Variants in NCBP1 observed in about 807,000 individuals in gnomAD.
The protein encoded by NCBP1 is nuclear cap-binding protein subunit 1.
Under a neutral mutation model 111.7 loss-of-function variants are expected in NCBP1, and 16 were observed. That is an observed-to-expected ratio of 0.14 (90% CI 0.10 to 0.22). The LOEUF is 0.22. Among genes scored for constraint, NCBP1 ranks in the 10% least tolerant of loss-of-function variants. The pLI is 1.00. For missense variants in NCBP1, 607 were observed against 957.5 expected, an observed-to-expected ratio of 0.63 and a Z score of 4.83; for synonymous variants, 304 against 314.3, an observed-to-expected ratio of 0.97 and a Z score of 0.35.
chr9:97,634,565 T>A (rs1354699900), intron 1 of NCBP1: 1 of 152,144 alleles, frequency 6.6e-6, no homozygotes, highest in South Asian at 2.1e-4. Context: ...AGAACAGGGG[T>A]TCCCATCTCC....
At chr9:97,669,075 C>G in intron 21 of NCBP1, 101 bp downstream of exon 21, 4 of 1,307,472 alleles carry the variant, frequency 3.1e-6, no homozygotes, top group Non-Finnish European at 3.1e-6. Flanking sequence ...AATACACATT[C>G]ATTTATAGAA....
chr9:97,670,442 T>C (rs1282572713), intron 22 of NCBP1, among the ~76,000 whole-genome samples: 3 of 152,182 alleles, frequency 2.0e-5, no homozygotes, highest in Admixed American at 6.5e-5. Flanking sequence ...TAAAGGTATA[T>C]AGGAGAGTGG....
At chr9:97,645,067 T>G in intron 4 of NCBP1, 50 bp from the exon 5 acceptor site, 1 of 1,354,838 alleles carries the variant, frequency 7.4e-7, no homozygotes, top group Non-Finnish European at 1.1e-6. Context: ...ATTTTGTAGT[T>G]ATTATAAAGA....
chr9:97,651,298 C>T lies in NCBP1; in HGVS notation c.996-12C>T. 3.8e-6 allele frequency: 6 copies of T among 1,594,948 alleles called. No individual in the cohort carries two copies. The highest frequency in any genetic ancestry group is 4.3e-6 in the Non-Finnish European group (5 of 1,171,288). ...TCGTATACTTATTAAACTTAAATTACACTTTTTATAGTGCTGCACAGTTAG... is the reference window on the plus strand; with the variant it reads ...TCGTATACTTATTAAACTTAAATTATACTTTTTATAGTGCTGCACAGTTAG... On this transcript the variant is annotated splice_polypyrimidine_tract_variant and intron_variant, in intron 9 of 22. Transcript: ENST00000375147.
At chr9:97,636,494 A>G (rs978730575) in intron 1 of NCBP1, among the ~76,000 whole-genome samples, 4 of 30,506 alleles carry the variant, frequency 1.3e-4, no homozygotes, top group Non-Finnish European at 5.2e-4. Flanking sequence ...TATTATATAA[A>G]TTTATATTTA....
Position 97,668,396 on chromosome 9 carries a change from C to T in NCBP1, c.2017-450C>T, listed in dbSNP as rs184536816. Among the ~76,000 whole-genome samples the T allele has an allele frequency of 1.4e-3, 219 of 152,350 alleles. 3 individuals carry two copies. In the Middle Eastern group the frequency reaches 0.027, roughly 19 times the overall value. ...ATCATTGCCAGCAGAAAGTCTTAAA[C>T]AGCCCACTTTGAATTATTATATGTC... On this transcript the variant is annotated intron_variant, in intron 20 of 22. Coordinates refer to ENST00000375147, the MANE Select transcript of NCBP1 (RefSeq NM_002486.5).
At position 97,662,053 on chromosome 9, in the gene NCBP1, A is replaced by C. The variant is rs778501080; in HGVS notation, c.1612A>C (p.Ser538Arg). ...NQDDDDDEGFSFNPLKIEVFV... is the reference protein window; with the variant it reads ...NQDDDDDEGFRFNPLKIEVFV... ...AAAATATTTTTCAGATGAAGGATTC[A>C]GTTTTAACCCATTGAAAATAGAAGT... is the stretch of plus-strand genomic sequence containing the variant. Residue 538 changes from serine to arginine, a missense_variant, in exon 17 of 23, where the codon AGT (serine) becomes CGT (arginine). Ser to Arg is a moderately radical substitution (Grantham distance 110). Coordinates refer to ENST00000375147, the MANE Select transcript of NCBP1 (RefSeq NM_002486.5). 1 of 1,611,092 alleles carries C rather than the reference A, an allele frequency of 6.2e-7. No homozygotes were observed. The highest frequency in any genetic ancestry group is 8.5e-7 in the Non-Finnish European group (1 of 1,178,118).
intron 1 of NCBP1, among the ~76,000 whole-genome samples, chr9:97,636,316 A>G (rs913262281): frequency 7.2e-5 from 11 of 151,822 alleles, no homozygotes. Flanking sequence ...CTATTTTAAA[A>G]TAGGGTAGGA....
chr9:97,639,797 C>T (rs978081518), intron 1 of NCBP1, among the ~76,000 whole-genome samples: 17 of 152,168 alleles, frequency 1.1e-4, no homozygotes, highest in Middle Eastern at 3.4e-3. Context: ...AGGCTTTAAA[C>T]AAAGTGGTAA....
Position 97,654,648 on chromosome 9 carries a change from G to A in NCBP1, c.1171-232G>A, listed in dbSNP as rs560087585. On this transcript the variant is annotated intron_variant, in intron 11 of 22. Transcript: ENST00000375147. ...GTATGGAGGGGCATGGGGAAATTTG[G>A]GAGGTGATGAAAATATTATCTTGAT... is the stretch of plus-strand genomic sequence containing the variant. 5.3e-5 allele frequency among the ~76,000 whole-genome samples: 8 copies of A among 152,168 alleles called. No homozygotes were observed. In the East Asian group the frequency reaches 1.4e-3, roughly 26 times the overall value.
Position 97,654,746 on chromosome 9 carries a change from AGATT to A in NCBP1, c.1171-128_1171-125del, listed in dbSNP as rs879161522. On this transcript the variant is annotated intron_variant, in intron 11 of 22. Coordinates refer to ENST00000375147, the MANE Select transcript of NCBP1 (RefSeq NM_002486.5). ...AAAGCTGTAAGAAAAAACAAAAACA[AGATT>A]GATTGTGTGAAAAGATGTTCAGCAT... 200 of 806,556 alleles carry A rather than the reference AGATT, an allele frequency of 2.5e-4. 3 individuals are homozygous for A. Among genetic ancestry groups the A allele is most frequent in the South Asian group, 1.5e-3 (90 of 60,526 alleles). 50.0% of individuals were successfully genotyped at this position (806,556 alleles called of 1,614,324 possible).
In NCBP1 at chr9:97,645,114, C is replaced by T. The variant is rs898492609; in HGVS notation, c.382-3C>T. ...TAATAGCAGAAATTGTTTGCCCCAACAGGTCCGTTTTTTATCTGATCTTGT... is the reference window on the plus strand; with the variant it reads ...TAATAGCAGAAATTGTTTGCCCCAATAGGTCCGTTTTTTATCTGATCTTGT... On this transcript the variant is annotated splice_polypyrimidine_tract_variant and splice_region_variant and intron_variant, in intron 4 of 22. Transcript: ENST00000375147. The T allele has an allele frequency of 6.2e-7, 1 of 1,610,064 alleles. No homozygotes were observed. The highest frequency in any genetic ancestry group is 2.2e-5 in the East Asian group (1 of 44,788).
chr9:97,636,645 T>C (rs1340654453), intron 1 of NCBP1, among the ~76,000 whole-genome samples: 2 of 103,372 alleles, frequency 1.9e-5, no homozygotes, highest in African/African-American at 6.6e-5. Context: ...TACATATATA[T>C]ATATATATAT....
At chr9:97,648,885 A>T (rs960777364) in intron 8 of NCBP1, among the ~76,000 whole-genome samples, 5 of 152,060 alleles carry the variant, frequency 3.3e-5, no homozygotes, top group Non-Finnish European at 5.9e-5. Flanking sequence ...AATTTTTTGT[A>T]GAGTTGAGAT....
chr9:97,643,735 C>T (rs763571395), intron 4 of NCBP1, among the ~76,000 whole-genome samples: 1 of 152,102 alleles, frequency 6.6e-6, no homozygotes, highest in Non-Finnish European at 1.5e-5. Flanking sequence ...CCTCTCGTAC[C>T]ATAGGTGTTC....
intron 17 of NCBP1, among the ~76,000 whole-genome samples, chr9:97,662,739 C>T (rs971798137): frequency 7.2e-5 from 11 of 152,188 alleles, no homozygotes; most frequent in African/African-American, 1.2e-4. Flanking sequence ...CCTGGGCTAA[C>T]GGTAGTATAT....
chr9:97,657,926 ATTTTTTTTT>A (rs57402675), intron 14 of NCBP1, among the ~76,000 whole-genome samples: 1,302 of 91,352 alleles, frequency 0.014, 41 homozygotes, highest in African/African-American at 0.049. Context: ...ATATATATAT[ATTTTTTTTT>A]TTTTTTTTAA....
At chr9:97,636,504 ATATATTATAAATTTATATTTATATAT>A (rs1391793460) in intron 1 of NCBP1, among the ~76,000 whole-genome samples, 4 of 30,576 alleles carry the variant, frequency 1.3e-4, no homozygotes, top group Non-Finnish European at 3.9e-4. Flanking sequence ...ATTTATATTT[ATATATTATAAATTTATATTTATATAT>A]TATATAAGTT....
intron 20 of NCBP1, among the ~76,000 whole-genome samples, 196 bp downstream of exon 20, chr9:97,667,073 A>G (rs1322029078): frequency 6.6e-6 from 1 of 152,196 alleles, no homozygotes; most frequent in Non-Finnish European, 1.5e-5. Context: ...GTGCTGTTAC[A>G]CTGCATGATG....
Sources: gnomAD v4.1 joint callset for allele counts (sites outside exome capture counted in the v4.1 genomes callset) on GRCh38, gnomAD v4.1.1 for gene constraint, MANE v1.5 for transcripts, NCBI Gene and HGNC (gene_info 2026-07-23, HGNC 2026-07-21) for gene names.